METTL2B: variants seen among roughly 807,000 people sequenced by gnomAD.
The protein encoded by METTL2B is methyltransferase 2B, tRNA N3-cytidine.
METTL2B carries 28 observed loss-of-function variants against 51.0 expected under a neutral mutation model. That is an observed-to-expected ratio of 0.55 (90% confidence interval 0.41 to 0.75). The LOEUF (loss-of-function observed/expected upper bound fraction) is 0.75. METTL2B is among the 30% of genes least tolerant of loss of function. METTL2B has a pLI of 0.00. For synonymous variants in METTL2B, 128 were observed against 166.3 expected (o/e 0.77, Z 1.77); for missense variants, 313 against 460.7 (o/e 0.68, Z 2.93).
chr7:128,483,358 A>G (rs1190642566), intron 4 of METTL2B: 1 of 152,212 alleles, frequency 6.6e-6, no homozygotes, highest in Admixed American at 6.5e-5. Flanking sequence ...AAAGTCCTCT[A>G]CAAGAGTGTG....
At chr7:128,496,961 T>G (rs961119163) in intron 6 of METTL2B, among the ~76,000 whole-genome samples, 4 of 152,130 alleles carry the variant, frequency 2.6e-5, no homozygotes, top group Admixed American at 2.0e-4. Flanking sequence ...TTTTGTATTT[T>G]TAGTAGAGAC....
rs552150099 is a variant in METTL2B at position 128,498,585 on chromosome 7, C to G, written c.916+443C>G. Among the ~76,000 whole-genome samples the G allele has an allele frequency of 7.6e-3, 1,156 of 151,706 alleles. 13 individuals carry two copies. The highest frequency in any genetic ancestry group is 0.027 in the African/African-American group (1,106 of 41,354). On this transcript the variant is annotated intron_variant, in intron 7 of 8. Transcript: ENST00000262432. The stretch of plus-strand genomic sequence containing the variant: ...TAGAATTAGAACTCCTTATATAAAG[C>G]CATTTAATATGTGACAGAGTAGTAT...
intron 4 of METTL2B, among the ~76,000 whole-genome samples, chr7:128,486,391 G>A (rs929088486): frequency 2.6e-5 from 4 of 152,066 alleles, no homozygotes; most frequent in Non-Finnish European, 5.9e-5. Flanking sequence ...CTTAAGGTCA[G>A]GAGTTCAAGA....
In METTL2B at chr7:128,498,124, C is replaced by T. The variant is rs758237793; in HGVS notation, c.898C>T (p.Gln300Ter). The T allele has an allele frequency of 5.0e-6, 8 of 1,613,834 alleles. No individual in the cohort carries two copies. The highest frequency in any genetic ancestry group is 2.2e-5 in the South Asian group (2 of 91,076). Residue 300 changes from glutamine (Q) to a stop codon, truncating the protein, a stop_gained, in exon 7 of 9, where the codon CAG becomes TAG. Coordinates refer to ENST00000262432, the MANE Select transcript of METTL2B (RefSeq NM_018396.3). LOFTEE classifies it high-confidence loss of function. ...LRDYGRYDMA[Q>*]LRFKKGQCLS... is the part of the protein sequence containing the mutation. ...AGATTACGGCCGCTATGACATGGCTCAGCTTCGGTTTAAAAAAGGTATTTT... is the reference window on the plus strand; with the variant it reads ...AGATTACGGCCGCTATGACATGGCTTAGCTTCGGTTTAAAAAAGGTATTTT...
At chr7:128,486,828 G>C (rs1375490201) in intron 4 of METTL2B, among the ~76,000 whole-genome samples, 3 of 152,212 alleles carry the variant, frequency 2.0e-5, no homozygotes, top group Non-Finnish European at 2.9e-5. Context: ...GAGGGGCTGA[G>C]GTAGGAGGAT....
chr7:128,478,707 A>G (rs1024568638), intron 2 of METTL2B, among the ~76,000 whole-genome samples: 1 of 125,660 alleles, frequency 8.0e-6, no homozygotes, highest in Non-Finnish European at 1.7e-5. Flanking sequence ...GTACTAAAAA[A>G]TAGAAAAAAT....
intron 5 of METTL2B, among the ~76,000 whole-genome samples, chr7:128,492,586 G>A (rs1002210137): frequency 8.7e-5 from 13 of 149,468 alleles, no homozygotes; most frequent in African/African-American, 3.0e-4. Context: ...CTAGCAGATC[G>A]TGCTTTTGGT....
intron 2 of METTL2B, 54 bp downstream of exon 2, chr7:128,477,227 G>A: frequency 4.4e-6 from 7 of 1,608,360 alleles, no homozygotes; most frequent in Non-Finnish European, 5.9e-6. Context: ...TGCCGAACGC[G>A]CCCTCCCGGA....
intron 4 of METTL2B, chr7:128,484,167 C>T (rs1353833423): frequency 6.9e-6 from 1 of 145,336 alleles, no homozygotes; most frequent in Non-Finnish European, 1.5e-5. Flanking sequence ...GCCCACTCTG[C>T]AGTCTTTACA....
At position 128,501,800 on chromosome 7, in the gene METTL2B, A is replaced by G; in HGVS notation, c.1021A>G (p.Lys341Glu). 1 of 1,614,188 alleles carries G rather than the reference A, an allele frequency of 6.2e-7. No individual in the cohort carries two copies. The highest frequency in any genetic ancestry group is 8.5e-7 in the Non-Finnish European group (1 of 1,180,034). The change falls in exon 9 of 9, where the codon AAA (lysine) becomes GAA (glutamate). Residue 341 changes from lysine (K) to glutamate (E), a missense_variant. Physicochemically the swap from Lys to Glu is moderately conservative, Grantham distance 56. Transcript: ENST00000262432. Reference sequence around the variant, plus strand: ...GCTTTTCACCACTGCTGGACTGGAAAAAGTTCAGAATCTGGTGGACCGCCG... The same window carrying G: ...GCTTTTCACCACTGCTGGACTGGAAGAAGTTCAGAATCTGGTGGACCGCCG... ...DTLFTTAGLE[K>E]VQNLVDRRLQ...
chr7:128,501,962 C>G lies in METTL2B; in HGVS notation c.*46C>G. On this transcript the variant is annotated 3_prime_UTR_variant, in exon 9 of 9. Coordinates refer to ENST00000262432, the MANE Select transcript of METTL2B (RefSeq NM_018396.3). ...GATGCAAGCCCGTTGTGTTTCCGAG[C>G]TTTTTTAAAAAAAAATTTGTAGCAC... 6 of 1,602,318 alleles carry G rather than the reference C, an allele frequency of 3.7e-6. No homozygotes were observed. The highest frequency in any genetic ancestry group is 5.1e-6 in the Non-Finnish European group (6 of 1,173,028).
At chr7:128,501,727 G>A in intron 8 of METTL2B, 35 bp from the exon 9 acceptor site, 1 of 1,608,922 alleles carries the variant, frequency 6.2e-7, no homozygotes, top group Non-Finnish European at 8.5e-7. Context: ...TTCTTGAGGG[G>A]AAAATGCATA....
At chr7:128,484,511 T>C (rs1408301094) in intron 4 of METTL2B, among the ~76,000 whole-genome samples, 2 of 152,130 alleles carry the variant, frequency 1.3e-5, no homozygotes, top group Non-Finnish European at 1.5e-5. Flanking sequence ...ATTTTTCATT[T>C]GTTTTCTTTT....
chr7:128,491,432 C>A (rs1327689614), intron 5 of METTL2B, among the ~76,000 whole-genome samples: 1 of 151,870 alleles, frequency 6.6e-6, no homozygotes, highest in Non-Finnish European at 1.5e-5. Context: ...TCCATCTCTA[C>A]TAAATACAAA....
chr7:128,499,452 A>G (rs1245806092), intron 7 of METTL2B, among the ~76,000 whole-genome samples: 1 of 148,512 alleles, frequency 6.7e-6, no homozygotes, highest in Middle Eastern at 3.3e-3. Context: ...TCCTGGGTCC[A>G]CCCACCTTGG....
intron 4 of METTL2B, among the ~76,000 whole-genome samples, 178 bp downstream of exon 4, chr7:128,480,874 A>G (rs1799864568): frequency 6.6e-6 from 1 of 152,246 alleles, no homozygotes; most frequent in African/African-American, 2.4e-5. Flanking sequence ...GATTTTTTCA[A>G]AACTTGCTGC....
At chr7:128,490,598 C>G (rs1457860673) in intron 5 of METTL2B, among the ~76,000 whole-genome samples, 1 of 152,160 alleles carries the variant, frequency 6.6e-6, no homozygotes, top group Non-Finnish European at 1.5e-5. Flanking sequence ...TTTTTTCCCT[C>G]TTTGCATACC....
intron 6 of METTL2B, among the ~76,000 whole-genome samples, chr7:128,494,858 C>T (rs778047182): frequency 6.6e-6 from 1 of 151,402 alleles, no homozygotes; most frequent in African/African-American, 2.4e-5. Context: ...AACTCCTCAC[C>T]TTGTGATCTG....
intron 8 of METTL2B, 181 bp downstream of exon 8, chr7:128,501,149 G>T (rs1563032141): frequency 2.0e-6 from 2 of 985,260 alleles, no homozygotes; most frequent in Non-Finnish European, 2.4e-6. Context: ...AGCCACTCGG[G>T]CCCCCAGGCA....
Sources: gnomAD v4.1 joint callset for allele counts (sites outside exome capture counted in the v4.1 genomes callset) on GRCh38, gnomAD v4.1.1 for gene constraint, MANE v1.5 for transcripts, NCBI Gene and HGNC (gene_info 2026-07-23, HGNC 2026-07-21) for gene names.